Variants in ITIH3 observed in about 807,000 individuals in gnomAD.
ITIH3 encodes the protein inter-alpha-trypsin inhibitor heavy chain 3.
ITIH3 carries 81 observed loss-of-function variants against 96.5 expected under a neutral mutation model. The observed-to-expected ratio is 0.84, with a 90% CI of 0.70 to 1.01. ITIH3 has a LOEUF of 1.01. Among genes scored for constraint, ITIH3 ranks in the 50% least tolerant of loss-of-function variants. The pLI is 0.00. For synonymous variants in ITIH3, 422 were observed against 445.2 expected (o/e 0.95, Z 0.66); for missense variants, 1,057 against 1,139.3 (o/e 0.93, Z 1.04).
chr3:52,795,686 A>G lies in ITIH3; in HGVS notation c.114+63A>G. ...AGGGCAGGATGGAGCTGGTTCCCCA[A>G]CTGCTGAAGGTGTAGGCTATAACAG... On this transcript the variant is annotated intron_variant, in intron 2 of 21. Coordinates refer to ENST00000449956, the MANE Select transcript of ITIH3 (RefSeq NM_002217.4). 2.0e-6 allele frequency: 3 copies of G among 1,514,052 alleles called. No individual in the cohort carries two copies. In the South Asian group the frequency reaches 3.5e-5, roughly 18 times the overall value. The allele number at this position is 1,514,052 out of a possible 1,614,324, so 93.8% of individuals were successfully genotyped here. A position where few individuals can be genotyped will look rare whatever the true frequency, so the allele number is the denominator to read the frequency against.
Position 52,808,604 on chromosome 3 carries a change from T to G in ITIH3, c.2596T>G (p.Cys866Gly). Residue 866 changes from cysteine to glycine, a missense_variant, in exon 22 of 22, where the codon TGC becomes GGC. Cys to Gly is a radical substitution (Grantham distance 159, BLOSUM62 -3). Coordinates refer to ENST00000449956, the MANE Select transcript of ITIH3 (RefSeq NM_002217.4). The stretch of plus-strand genomic sequence containing the variant: ...TGCCAGCATCGGCACGAAGGTTGTC[T>G]GCTGGTTCGTCCACAACAACGGAGA... ...KDASIGTKVV[C>G]WFVHNNGEGL... 1.9e-6 allele frequency: 3 copies of G among 1,614,070 alleles called. No individual in the cohort carries two copies. The highest frequency in any genetic ancestry group is 2.5e-6 in the Non-Finnish European group (3 of 1,179,894).
In ITIH3 at chr3:52,806,297, C is replaced by A. The variant is rs201509967; in HGVS notation, c.1947C>A (p.Asp649Glu). Reference protein sequence around the residue: ...QPPQNPYYYVDGDPHFIIQIP... With the variant: ...QPPQNPYYYVEGDPHFIIQIP... ...CCTTCTCTAATGTGTCACCAGTGGA[C>A]GGGGATCCCCACTTCATCATCCAAA... is the stretch of plus-strand genomic sequence containing the variant. The change falls in exon 18 of 22, where the codon GAC becomes GAA. Residue 649 changes from aspartate (D) to glutamate (E), a missense_variant. Coordinates refer to ENST00000449956, the MANE Select transcript of ITIH3 (RefSeq NM_002217.4). The A allele has an allele frequency of 3.5e-4, 567 of 1,613,168 alleles. 1 individual carries two copies. The highest frequency in any genetic ancestry group is 4.5e-4 in the Non-Finnish European group (533 of 1,179,448).
At chr3:52,807,496 G>C (rs2154110620) in intron 19 of ITIH3, among the ~76,000 whole-genome samples, 1 of 152,346 alleles carries the variant, frequency 6.6e-6, no homozygotes, top group East Asian at 1.9e-4. Context: ...CTTAGCTGAG[G>C]CTGGACCACA....
chr3:52,808,395 G>A (rs1462033885), intron 21 of ITIH3, among the ~76,000 whole-genome samples, 157 bp from the exon 22 acceptor site: 1 of 152,208 alleles, frequency 6.6e-6, no homozygotes, highest in African/African-American at 2.4e-5. Context: ...CCCAAACTTG[G>A]CTTCCTCGAA....
At chr3:52,796,433 C>T (rs1699582751) in intron 2 of ITIH3, 48 bp from the exon 3 acceptor site, 1 of 1,573,800 alleles carries the variant, frequency 6.4e-7, no homozygotes, top group African/African-American at 1.3e-5. Flanking sequence ...TGCAAACCTG[C>T]TTCTCCAGTG....
intron 15 of ITIH3, chr3:52,804,947 G>A (rs986008035): frequency 1.6e-6 from 1 of 614,390 alleles, no homozygotes; most frequent in South Asian, 2.0e-5. Flanking sequence ...CCTTGCCCAG[G>A]GAGACACAAT....
intron 18 of ITIH3, among the ~76,000 whole-genome samples, chr3:52,806,652 T>C (rs779728627): frequency 7.2e-5 from 11 of 152,196 alleles, no homozygotes; most frequent in Admixed American, 3.3e-4. Flanking sequence ...AGCCTGTGTC[T>C]GGGGAATAGC....
intron 14 of ITIH3, chr3:52,804,422 A>T: frequency 2.2e-6 from 1 of 450,630 alleles, no homozygotes; most frequent in South Asian, 3.0e-5. Context: ...CCTCAACCAG[A>T]CCCCAGATTG....
At chr3:52,797,559 A>G (rs1699639316) in intron 5 of ITIH3, among the ~76,000 whole-genome samples, 3 of 152,212 alleles carry the variant, frequency 2.0e-5, no homozygotes. Context: ...TTCCTACCTC[A>G]AAGCTGAAAG....
chr3:52,801,678 C>T (rs1699835794), intron 11 of ITIH3, among the ~76,000 whole-genome samples: 1 of 152,158 alleles, frequency 6.6e-6, no homozygotes, highest in Non-Finnish European at 1.5e-5. Context: ...TGTCCAACTC[C>T]CCTTTTAATA....
chr3:52,797,930 G>T lies in ITIH3; in HGVS notation c.663G>T (p.Lys221Asn), dbSNP rs769599746. The T allele has an allele frequency of 6.3e-7, 1 of 1,577,656 alleles. No homozygotes were observed. Among genetic ancestry groups the T allele is most frequent in the South Asian group, 1.2e-5 (1 of 86,584 alleles). ...TCACCAAGTCCTTCTCAGGGAAAAA[G>T]GTGATGTAGATGCCTCTCAGACCTG... ...SALTKSFSGKKGHVSFKPSLD... is the reference protein window; with the variant it reads ...SALTKSFSGKNGHVSFKPSLD... Residue 221 changes from lysine (K) to asparagine (N), a missense_variant and splice_region_variant, in exon 6 of 22, where the codon AAG (lysine) becomes AAT (asparagine). Physicochemically the swap from Lys to Asn is moderately conservative, Grantham distance 94. Coordinates refer to ENST00000449956, the MANE Select transcript of ITIH3 (RefSeq NM_002217.4).
intron 15 of ITIH3, 82 bp from the exon 16 acceptor site, chr3:52,805,726 A>G: frequency 5.0e-6 from 8 of 1,589,396 alleles, no homozygotes; most frequent in Non-Finnish European, 6.8e-6. Context: ...GGGGCCCAGC[A>G]GCGCTAAGAC....
At chr3:52,805,981 G>T in intron 16 of ITIH3, 122 bp from the exon 17 acceptor site, 1 of 1,504,996 alleles carries the variant, frequency 6.6e-7, no homozygotes, top group Non-Finnish European at 9.1e-7. Flanking sequence ...GGGGTGGGAG[G>T]GCAATGGCAT....
intron 8 of ITIH3, 84 bp from the exon 9 acceptor site, chr3:52,799,669 T>C (rs1699740061): frequency 7.2e-7 from 1 of 1,383,012 alleles, no homozygotes; most frequent in Admixed American, 2.2e-5. Context: ...CTGGTGCAGA[T>C]GGCGTGGGCT....
chr3:52,798,897 A>C lies in ITIH3; in HGVS notation c.664-69A>C, dbSNP rs550805099. 4 of 1,566,388 alleles carry C rather than the reference A, an allele frequency of 2.6e-6. No homozygotes were observed. In the African/African-American group the frequency reaches 4.1e-5, roughly 16 times the overall value. ...AGGCTGCACCTCTGCTCCCTCAGCT[A>C]AGGGCTGAGGTCTCCCAGTGGGCAG... On this transcript the variant is annotated intron_variant, in intron 6 of 21. Coordinates refer to ENST00000449956, the MANE Select transcript of ITIH3 (RefSeq NM_002217.4).
chr3:52,805,613 T>A (rs1402490588), intron 15 of ITIH3, 195 bp from the exon 16 acceptor site: 2 of 1,394,320 alleles, frequency 1.4e-6, no homozygotes, highest in Non-Finnish European at 1.9e-6. Context: ...CACATCCCAT[T>A]GCCACCAGCC....
At chr3:52,808,024 G>A in intron 20 of ITIH3, 86 bp from the exon 21 acceptor site, 1 of 1,575,906 alleles carries the variant, frequency 6.3e-7, no homozygotes, top group Non-Finnish European at 8.7e-7. Context: ...ACCCCATTCA[G>A]CCTTTGCATC....
At chr3:52,805,718 G>A in intron 15 of ITIH3, 90 bp from the exon 16 acceptor site, 4 of 1,577,852 alleles carry the variant, frequency 2.5e-6, no homozygotes, top group Non-Finnish European at 8.6e-7. Flanking sequence ...GCCCCTCTGG[G>A]GCCCAGCAGC....
At chr3:52,806,804 C>T in intron 18 of ITIH3, 97 bp from the exon 19 acceptor site, 1 of 973,914 alleles carries the variant, frequency 1.0e-6, no homozygotes, top group South Asian at 1.5e-5. Flanking sequence ...TCTGCTGCCC[C>T]TCAGCCAGTC....
Sources: allele counts gnomAD v4.1 joint callset (sites outside exome capture counted in the v4.1 genomes callset), GRCh38; gene constraint gnomAD v4.1.1; transcripts MANE v1.5; gene names NCBI Gene and HGNC (gene_info 2026-07-23, HGNC 2026-07-21).